TMTC1: variants seen among roughly 807,000 people sequenced by gnomAD.
TMTC1 encodes protein O-mannosyl-transferase TMTC1.
A neutral mutation model predicts 104.8 loss-of-function variants in TMTC1; 73 were observed. The observed-to-expected ratio is 0.70, with a 90% CI of 0.58 to 0.85. The LOEUF is 0.85. Among genes scored for constraint, TMTC1 ranks in the 40% least tolerant of loss-of-function variants. The pLI, the probability that TMTC1 is intolerant of heterozygous loss-of-function variation, is 0.00. For synonymous variants in TMTC1, 434 were observed against 428.7 expected, an observed-to-expected ratio of 1.01 and a Z score of -0.15; for missense variants, 1,035 against 1,096.1, an observed-to-expected ratio of 0.94 and a Z score of 0.79.
rs374966626 is a variant in TMTC1 at position 29,576,745 on chromosome 12, T to A, written c.1419-4527A>T. Among the ~76,000 whole-genome samples the A allele has an allele frequency of 2.6e-5, 4 of 152,280 alleles. No homozygotes were observed. In the East Asian group the frequency reaches 7.7e-4, roughly 29 times the overall value. On this transcript the variant is annotated intron_variant, in intron 8 of 17. Coordinates refer to ENST00000539277, the MANE Select transcript of TMTC1 (RefSeq NM_001193451.2). ...CTATAGCTAAGAATATGGTATTGTA[T>A]ATTTTAAGTCTGCAAAGAGAGTAGA... is the stretch of plus-strand genomic sequence containing the variant.
At chr12:29,746,043 C>G (rs774923982) in intron 5 of TMTC1, among the ~76,000 whole-genome samples, 3 of 152,092 alleles carry the variant, frequency 2.0e-5, no homozygotes, top group East Asian at 1.9e-4. Context: ...TTGCAACAAC[C>G]CTTTAAAGTA....
At chr12:29,510,899 C>T (rs1943815201) in intron 17 of TMTC1, among the ~76,000 whole-genome samples, 1 of 152,110 alleles carries the variant, frequency 6.6e-6, no homozygotes, top group Admixed American at 6.6e-5. Context: ...TGACCCTGCA[C>T]CCTCTCTGAC....
chr12:29,545,221 TC>T (rs1944906798), intron 10 of TMTC1, among the ~76,000 whole-genome samples: 1 of 152,160 alleles, frequency 6.6e-6, no homozygotes, highest in African/African-American at 2.4e-5. Context: ...ACTTTCAAGT[TC>T]TTCTCTGGTC....
At chr12:29,623,586 G>A (rs1214974258) in intron 6 of TMTC1, among the ~76,000 whole-genome samples, 2 of 152,178 alleles carry the variant, frequency 1.3e-5, no homozygotes, top group Non-Finnish European at 2.9e-5. Context: ...AGGCCGAGGC[G>A]GGTGGATCAC....
At chr12:29,660,844 A>G in intron 5 of TMTC1, 1 of 1,502,766 alleles carries the variant, frequency 6.7e-7, no homozygotes, top group South Asian at 1.3e-5. Context: ...AAATGGTCTC[A>G]TGGTAAGCAG....
chr12:29,583,723 TGTTA>T, intron 7 of TMTC1, 149 bp from the exon 8 acceptor site: 1 of 669,390 alleles, frequency 1.5e-6, no homozygotes, highest in Non-Finnish European at 2.4e-6. Context: ...AATATTAACA[TGTTA>T]GTTCTCTAAA....
In TMTC1 at chr12:29,718,218, A is replaced by G. The variant is rs141257876; in HGVS notation, c.938+33448T>C. ...GCAGGCAGAAACCAGAAGGGAACCA[A>G]TACTTTGAAGATGGGAACAGTATGA... On this transcript the variant is annotated intron_variant, in intron 5 of 17. Coordinates refer to ENST00000539277, the MANE Select transcript of TMTC1 (RefSeq NM_001193451.2). Among the ~76,000 whole-genome samples the G allele has an allele frequency of 3.6e-3, 542 of 152,342 alleles. 1 individual carries two copies. The highest frequency in any genetic ancestry group is 0.012 in the African/African-American group (518 of 41,592).
At chr12:29,569,095 A>T in intron 9 of TMTC1, 1 of 428,918 alleles carries the variant, frequency 2.3e-6, no homozygotes, top group South Asian at 1.7e-5. Context: ...TGATGATTTG[A>T]ATCTTAAACT....
intron 5 of TMTC1, among the ~76,000 whole-genome samples, chr12:29,668,962 G>A (rs772060838): frequency 6.6e-6 from 1 of 152,192 alleles, no homozygotes; most frequent in Non-Finnish European, 1.5e-5. Flanking sequence ...TCCATGTACC[G>A]TGGACTCAGA....
intron 5 of TMTC1, among the ~76,000 whole-genome samples, chr12:29,645,566 T>C (rs907964657): frequency 1.3e-5 from 2 of 152,194 alleles, no homozygotes; most frequent in Non-Finnish European, 2.9e-5. Context: ...CGTCTGAGAA[T>C]GTTAGCAACT....
At chr12:29,568,432 C>T (rs937831973) in intron 9 of TMTC1, among the ~76,000 whole-genome samples, 2 of 152,152 alleles carry the variant, frequency 1.3e-5, no homozygotes, top group African/African-American at 4.8e-5. Flanking sequence ...TCAGAAAAAT[C>T]TCAGTCTACT....
intron 10 of TMTC1, among the ~76,000 whole-genome samples, chr12:29,545,676 C>CACA (rs1555167547): frequency 8.0e-5 from 11 of 137,926 alleles, no homozygotes; most frequent in South Asian, 2.4e-4. Flanking sequence ...CACACACACA[C>CACA]GGATAGAAAC....
chr12:29,515,392 A>G (rs1011035693), intron 15 of TMTC1, among the ~76,000 whole-genome samples: 1 of 152,154 alleles, frequency 6.6e-6, no homozygotes, highest in Non-Finnish European at 1.5e-5. Flanking sequence ...CCTGGCCCCA[A>G]GGAGTCTCCT....
At chr12:29,633,082 G>T in intron 6 of TMTC1, 65 bp downstream of exon 6, 1 of 1,453,284 alleles carries the variant, frequency 6.9e-7, no homozygotes, top group African/African-American at 1.4e-5. Context: ...GCACTAAAAA[G>T]AACATTATAG....
At chr12:29,668,244 C>G (rs540025701) in intron 5 of TMTC1, among the ~76,000 whole-genome samples, 1 of 152,260 alleles carries the variant, frequency 6.6e-6, no homozygotes, top group South Asian at 2.1e-4. Flanking sequence ...GCACCAGCAT[C>G]TGGGAGGCCT....
chr12:29,621,050 GA>G (rs560181002), intron 6 of TMTC1, among the ~76,000 whole-genome samples: 83 of 152,268 alleles, frequency 5.5e-4, no homozygotes, highest in Non-Finnish European at 1.0e-3. Flanking sequence ...ATAATAGCAC[GA>G]AGAGGATTTT....
At chr12:29,650,737 C>T (rs543932984) in intron 5 of TMTC1, among the ~76,000 whole-genome samples, 12 of 152,210 alleles carry the variant, frequency 7.9e-5, no homozygotes, top group Middle Eastern at 3.4e-3. Flanking sequence ...ACAGGTGGGA[C>T]GTAGACCTAC....
At chr12:29,634,154 G>A (rs1244909033) in intron 5 of TMTC1, among the ~76,000 whole-genome samples, 1 of 152,106 alleles carries the variant, frequency 6.6e-6, no homozygotes, top group East Asian at 1.9e-4. Context: ...ATGCTGTCAG[G>A]AGAATTTATT....
At chr12:29,660,479 G>T (rs1359108252) in intron 5 of TMTC1, among the ~76,000 whole-genome samples, 1 of 152,136 alleles carries the variant, frequency 6.6e-6, no homozygotes, top group African/African-American at 2.4e-5. Context: ...GGTTTGTTAT[G>T]CAGCAATAGA....
Sources: gnomAD v4.1 joint callset for allele counts (sites outside exome capture counted in the v4.1 genomes callset) on GRCh38, gnomAD v4.1.1 for gene constraint, MANE v1.5 for transcripts, NCBI Gene and HGNC (gene_info 2026-07-23, HGNC 2026-07-21) for gene names.